The following KLF12 variants were observed in gnomAD, a reference collection of about 807,000 sequenced individuals.
The protein encoded by KLF12 is KLF transcription factor 12.
KLF12 carries 9 observed loss-of-function variants against 37.8 expected under a neutral mutation model. That is an observed-to-expected ratio of 0.24 (90% CI 0.14 to 0.42). KLF12 has a LOEUF of 0.42. Among genes scored for constraint, KLF12 ranks in the 10% least tolerant of loss-of-function variants. KLF12 has a pLI of 1.00. For missense variants in KLF12, 411 were observed against 516.0 expected (o/e 0.80, Z 1.97); for synonymous variants, 208 against 202.1 (o/e 1.03, Z -0.25).
rs1280302307 is a variant in KLF12, at chr13:73,944,071, C to G, written c.34-1G>C. 1 of 1,588,436 alleles carries G rather than the reference C, an allele frequency of 6.3e-7. No individual in the cohort carries two copies. The highest frequency in any genetic ancestry group is 8.6e-7 in the Non-Finnish European group (1 of 1,158,652). ...TTCTGTTCTCAAAGGTGTTGATATT[C>G]TGAGAATAGAAGGGAGAGAGAAAGA... On this transcript the variant is annotated splice_acceptor_variant, in intron 2 of 7. Coordinates refer to ENST00000377669, the MANE Select transcript of KLF12 (RefSeq NM_007249.5). LOFTEE classifies it high-confidence loss of function.
chr13:74,089,656 TA>T (rs1875530521), intron 1 of KLF12, among the ~76,000 whole-genome samples: 1 of 151,174 alleles, frequency 6.6e-6, no homozygotes, highest in African/African-American at 2.4e-5. Flanking sequence ...GAAAATCAAT[TA>T]ATGTAATGCA....
At chr13:73,720,650 T>C (rs1446103487) in intron 6 of KLF12, among the ~76,000 whole-genome samples, 1 of 152,198 alleles carries the variant, frequency 6.6e-6, no homozygotes, top group Admixed American at 6.5e-5. Flanking sequence ...GAGTGAATCA[T>C]GACTTTGGTT....
intron 1 of KLF12, among the ~76,000 whole-genome samples, chr13:74,118,336 CTA>C (rs1385393756): frequency 6.6e-6 from 1 of 152,098 alleles, no homozygotes; most frequent in Non-Finnish European, 1.5e-5. Flanking sequence ...TTTTAAATGT[CTA>C]TGATTTAGTC....
chr13:73,972,416 G>A (rs912260837), intron 2 of KLF12, among the ~76,000 whole-genome samples: 4 of 151,746 alleles, frequency 2.6e-5, no homozygotes, highest in Admixed American at 1.3e-4. Flanking sequence ...GTTTATAACA[G>A]CGTGGTGGTT....
chr13:74,102,131 T>C (rs545213991), intron 1 of KLF12, among the ~76,000 whole-genome samples: 2 of 150,620 alleles, frequency 1.3e-5, no homozygotes, highest in African/African-American at 4.9e-5. Flanking sequence ...GGCAGGAGAA[T>C]CGCTTGAACC....
At chr13:73,991,300 G>T (rs780107474) in intron 2 of KLF12, among the ~76,000 whole-genome samples, 1 of 152,144 alleles carries the variant, frequency 6.6e-6, no homozygotes, top group Non-Finnish European at 1.5e-5. Flanking sequence ...ATTCCAAGGC[G>T]TGCTCAACAT....
At chr13:74,174,356 G>A in the KLF12 span, among the ~76,000 whole-genome samples, 11 of 122,626 alleles carry the variant, frequency 9.0e-5, no homozygotes, top group African/African-American at 3.6e-4. Flanking sequence ...TTTTTGAGAT[G>A]GAGTCTCGCT....
At chr13:73,901,058 G>T (rs558621853) in intron 3 of KLF12, among the ~76,000 whole-genome samples, 12 of 152,266 alleles carry the variant, frequency 7.9e-5, no homozygotes, top group Admixed American at 2.0e-4. Context: ...AACAGTCAGT[G>T]CATATACACT....
At chr13:73,775,548 T>C (rs1296308609) in intron 5 of KLF12, among the ~76,000 whole-genome samples, 1 of 152,220 alleles carries the variant, frequency 6.6e-6, no homozygotes, top group African/African-American at 2.4e-5. Context: ...TGGATATAAA[T>C]ATATTATTTT....
At chr13:73,793,714 A>G (rs1057308940) in intron 5 of KLF12, among the ~76,000 whole-genome samples, 1 of 152,228 alleles carries the variant, frequency 6.6e-6, no homozygotes, top group Non-Finnish European at 1.5e-5. Flanking sequence ...CTGAAACTCT[A>G]AATTCCAAAC....
At chr13:74,287,396 A>AGAGAGAGAGAGAGAG in the KLF12 span, among the ~76,000 whole-genome samples, 3 of 35,838 alleles carry the variant, frequency 8.4e-5, no homozygotes, top group Non-Finnish European at 1.2e-4. Flanking sequence ...GAGAGAGAGA[A>AGAGAGAGAGAGAGAG]TCCACCTCTA....
the KLF12 span, among the ~76,000 whole-genome samples, chr13:74,148,978 C>G: frequency 6.6e-6 from 1 of 152,130 alleles, no homozygotes; most frequent in Non-Finnish European, 1.5e-5. Context: ...CCAGGCCCAG[C>G]TAATTTTTGT....
rs1891331465 is a variant in KLF12, at chr13:73,971,331, T to C, written c.33+23659A>G. ...AAAAACATTAACTTCCTTCACAAAA[T>C]AGACTACATAACCAAACCCCAGACA... is the stretch of plus-strand genomic sequence containing the variant. On this transcript the variant is annotated intron_variant, in intron 2 of 7. Transcript: ENST00000377669. Among the ~76,000 whole-genome samples, 4 of 152,110 alleles carry C rather than the reference T, an allele frequency of 2.6e-5. No homozygotes were observed. The East Asian group carries it at 5.8e-4, about 22-fold the overall frequency.
chr13:74,037,810 A>G (rs1893296267), intron 1 of KLF12, among the ~76,000 whole-genome samples: 1 of 152,216 alleles, frequency 6.6e-6, no homozygotes, highest in Non-Finnish European at 1.5e-5. Context: ...TGGGCAATGA[A>G]TACAGATAAA....
At chr13:73,913,935 T>TA (rs1330168469) in intron 3 of KLF12, among the ~76,000 whole-genome samples, 1 of 152,190 alleles carries the variant, frequency 6.6e-6, no homozygotes, top group African/African-American at 2.4e-5. Flanking sequence ...AAGTTTTTTT[T>TA]AAAAAGGAGG....
At chr13:73,832,088 A>G (rs140728105) in intron 4 of KLF12, among the ~76,000 whole-genome samples, 17 of 152,322 alleles carry the variant, frequency 1.1e-4, no homozygotes, top group African/African-American at 4.1e-4. Context: ...GTCCTTTCCT[A>G]TAAGTAACAT....
At chr13:73,708,837 C>T (rs1278759873) in intron 7 of KLF12, among the ~76,000 whole-genome samples, 1 of 152,104 alleles carries the variant, frequency 6.6e-6, no homozygotes, top group Non-Finnish European at 1.5e-5. Context: ...AATGGCAATG[C>T]ATACTCATTT....
At chr13:74,128,929 T>C (rs1429118062) in intron 1 of KLF12, among the ~76,000 whole-genome samples, 2 of 152,144 alleles carry the variant, frequency 1.3e-5, no homozygotes, top group Non-Finnish European at 2.9e-5. Context: ...GTGGGTTATG[T>C]ACTAATATAG....
intron 3 of KLF12, among the ~76,000 whole-genome samples, chr13:73,922,302 T>A (rs1220149700): frequency 1.3e-5 from 2 of 152,174 alleles, no homozygotes; most frequent in Non-Finnish European, 2.9e-5. Context: ...TTAGACATTC[T>A]ACAGATACTC....
Sources: allele counts gnomAD v4.1 joint callset (sites outside exome capture counted in the v4.1 genomes callset), GRCh38; gene constraint gnomAD v4.1.1; transcripts MANE v1.5; gene names NCBI Gene and HGNC (gene_info 2026-07-23, HGNC 2026-07-21).